The following PRORP variants were observed in gnomAD, a reference collection of about 807,000 sequenced individuals.
PRORP encodes protein only RNase P catalytic subunit, also known as mitochondrial ribonuclease P catalytic subunit.
Under a neutral mutation model 59.4 loss-of-function variants are expected in PRORP, and 51 were observed. The observed-to-expected ratio is 0.86, with a 90% confidence interval of 0.69 to 1.08. The LOEUF is 1.08. Among genes scored for constraint, PRORP ranks in the 50% least tolerant of loss-of-function variants. PRORP has a pLI of 0.00. For missense variants in PRORP, 646 were observed against 690.3 expected, an observed-to-expected ratio of 0.94 and a Z score of 0.72; for synonymous variants, 231 against 245.6, an observed-to-expected ratio of 0.94 and a Z score of 0.55.
At chr14:35,124,252 T>G (rs2138763691) in intron 2 of PRORP, 21 bp downstream of exon 2, 1 of 1,489,796 alleles carries the variant, frequency 6.7e-7, no homozygotes, top group Non-Finnish European at 9.0e-7. Flanking sequence ...TTTTTTTATA[T>G]GTATGTTTTT....
intron 5 of PRORP, among the ~76,000 whole-genome samples, chr14:35,253,162 C>T (rs938910373): frequency 6.6e-6 from 1 of 151,888 alleles, no homozygotes; most frequent in Non-Finnish European, 1.5e-5. Flanking sequence ...GGTGAAACCC[C>T]ACCTCTACAA....
At chr14:35,251,087 T>G (rs1037005502) in intron 5 of PRORP, among the ~76,000 whole-genome samples, 3 of 152,198 alleles carry the variant, frequency 2.0e-5, no homozygotes, top group Admixed American at 1.3e-4. Context: ...TGGTCATAGC[T>G]TAGCTCCCAC....
At chr14:35,255,318 C>T (rs748824876) in intron 5 of PRORP, among the ~76,000 whole-genome samples, 3 of 151,580 alleles carry the variant, frequency 2.0e-5, no homozygotes, top group African/African-American at 2.4e-5. Flanking sequence ...TTAGTAGAGA[C>T]GGGGTTTCAC....
chr14:35,135,719 G>A (rs566011715), intron 4 of PRORP, among the ~76,000 whole-genome samples: 1 of 152,218 alleles, frequency 6.6e-6, no homozygotes, highest in South Asian at 2.1e-4. Flanking sequence ...CAGCACTTTG[G>A]GTGGCCGAGG....
intron 5 of PRORP, among the ~76,000 whole-genome samples, chr14:35,245,891 C>T (rs942726813): frequency 1.3e-5 from 2 of 152,124 alleles, no homozygotes; most frequent in African/African-American, 4.8e-5. Context: ...CCAGGAGCTT[C>T]TCAAAGAAGG....
intron 5 of PRORP, among the ~76,000 whole-genome samples, chr14:35,237,293 A>G (rs1360599570): frequency 6.6e-6 from 1 of 151,910 alleles, no homozygotes; most frequent in East Asian, 1.9e-4. Flanking sequence ...AAGTCTCCCT[A>G]TGTTGCCCAG....
intron 5 of PRORP, among the ~76,000 whole-genome samples, chr14:35,229,015 T>C (rs2050006996): frequency 6.6e-6 from 1 of 152,212 alleles, no homozygotes. Flanking sequence ...GATCTCATTA[T>C]GGTTTTGATT....
At chr14:35,160,071 G>C (rs1157672836) in intron 4 of PRORP, among the ~76,000 whole-genome samples, 1 of 152,186 alleles carries the variant, frequency 6.6e-6, no homozygotes, top group African/African-American at 2.4e-5. Flanking sequence ...TAATCTCGTT[G>C]ATTACTGGTG....
chr14:35,146,923 C>A (rs2047626235), intron 4 of PRORP, among the ~76,000 whole-genome samples: 1 of 152,098 alleles, frequency 6.6e-6, no homozygotes. Context: ...GAGATCCCAT[C>A]TCTACAAAAA....
intron 5 of PRORP, among the ~76,000 whole-genome samples, chr14:35,218,459 T>TAAAAAAAAAAAAA (rs748403834): frequency 2.2e-5 from 1 of 44,778 alleles, no homozygotes; most frequent in East Asian, 7.2e-4. Flanking sequence ...AGATCCTGTC[T>TAAAAAAAAAAAAA]AAAAAAAGAA....
chr14:35,131,056 G>C (rs546977215), intron 4 of PRORP, among the ~76,000 whole-genome samples: 1 of 151,802 alleles, frequency 6.6e-6, no homozygotes, highest in African/African-American at 2.4e-5. Context: ...TGATTCTCCT[G>C]CCTCAGCCTC....
chr14:35,258,664 G>A (rs981298198), intron 5 of PRORP, among the ~76,000 whole-genome samples: 5 of 152,102 alleles, frequency 3.3e-5, no homozygotes, highest in East Asian at 1.9e-4. Flanking sequence ...GTGTGGGGGC[G>A]GGGCAGAGAT....
At chr14:35,260,423 TA>T (rs2050874378) in intron 5 of PRORP, among the ~76,000 whole-genome samples, 1 of 152,158 alleles carries the variant, frequency 6.6e-6, no homozygotes, top group African/African-American at 2.4e-5. Flanking sequence ...TCCCTCAACA[TA>T]AGGAAGAGAA....
In PRORP at chr14:35,202,570, C is replaced by G. The variant is rs571371769; in HGVS notation, c.1275+21793C>G. Among the ~76,000 whole-genome samples the G allele has an allele frequency of 1.6e-3, 241 of 152,226 alleles. 2 individuals carry two copies. The highest frequency in any genetic ancestry group is 2.9e-3 in the Non-Finnish European group (196 of 68,012). On this transcript the variant is annotated intron_variant, in intron 5 of 7. Coordinates refer to ENST00000534898, the MANE Select transcript of PRORP (RefSeq NM_014672.4). Reference sequence around the variant, plus strand: ...GCAATTAGTATAAACTTATTTAGAGCAGCTCTCCTATTACTGTCTCATGCG... The same window carrying G: ...GCAATTAGTATAAACTTATTTAGAGGAGCTCTCCTATTACTGTCTCATGCG...
intron 5 of PRORP, among the ~76,000 whole-genome samples, chr14:35,237,819 A>AT (rs547297407): frequency 0.057 from 8,695 of 151,666 alleles, 413 homozygotes; most frequent in African/African-American, 0.13. Context: ...AGCCCGGCTA[A>AT]TTTTTTTTGT....
intron 4 of PRORP, among the ~76,000 whole-genome samples, chr14:35,142,241 C>T (rs1481745059): frequency 6.9e-6 from 1 of 143,990 alleles, no homozygotes; most frequent in Non-Finnish European, 1.5e-5. Flanking sequence ...TGTTGAACTC[C>T]TGGGCTCAAG....
intron 4 of PRORP, among the ~76,000 whole-genome samples, chr14:35,162,774 T>G (rs973382866): frequency 2.0e-5 from 3 of 152,136 alleles, no homozygotes; most frequent in Non-Finnish European, 4.4e-5. Flanking sequence ...TTTGTTGTTT[T>G]TCTCTAAATT....
At chr14:35,134,068 G>A (rs763518183) in intron 4 of PRORP, among the ~76,000 whole-genome samples, 1 of 152,160 alleles carries the variant, frequency 6.6e-6, no homozygotes, top group African/African-American at 2.4e-5. Flanking sequence ...CCTTCAGGGC[G>A]ACAAGTTCCC....
intron 4 of PRORP, among the ~76,000 whole-genome samples, chr14:35,137,568 A>C (rs2047401603): frequency 6.9e-6 from 1 of 145,070 alleles, no homozygotes; most frequent in South Asian, 2.3e-4. Flanking sequence ...GGGGATGTCA[A>C]GATGCTAACT....
Sources: allele counts gnomAD v4.1 joint callset (sites outside exome capture counted in the v4.1 genomes callset), GRCh38; gene constraint gnomAD v4.1.1; transcripts MANE v1.5; gene names NCBI Gene and HGNC (gene_info 2026-07-23, HGNC 2026-07-21).